Variants in SLC6A17 observed in about 807,000 individuals in gnomAD.
SLC6A17 encodes the protein sodium-dependent neutral amino acid transporter SLC6A17.
Under a neutral mutation model 64.5 loss-of-function variants are expected in SLC6A17, and 21 were observed. The observed-to-expected ratio is 0.33, with a 90% CI of 0.23 to 0.47. SLC6A17 has a LOEUF of 0.47. Ranked by LOEUF, SLC6A17 falls within the 20% of genes least tolerant of loss-of-function variation. SLC6A17 has a pLI of 1.00. For synonymous variants in SLC6A17, 372 were observed against 399.5 expected (o/e 0.93, Z 0.82); for missense variants, 682 against 963.2 (o/e 0.71, Z 3.86).
At chr1:110,176,447 C>T (rs951382572) in intron 5 of SLC6A17, among the ~76,000 whole-genome samples, 182 bp from the exon 6 acceptor site, 1 of 152,188 alleles carries the variant, frequency 6.6e-6, no homozygotes, top group African/African-American at 2.4e-5. Context: ...TTGTCCTGTT[C>T]CTGCTTCTGC....
At chr1:110,179,448 A>C (rs894777672) in intron 6 of SLC6A17, among the ~76,000 whole-genome samples, 5 of 152,048 alleles carry the variant, frequency 3.3e-5, no homozygotes, top group Admixed American at 3.3e-4. Context: ...TTTGCCAATT[A>C]GGTGGATGCA....
At chr1:110,163,387 G>A (rs531925188) in intron 1 of SLC6A17, among the ~76,000 whole-genome samples, 169 of 152,228 alleles carry the variant, frequency 1.1e-3, no homozygotes, top group African/African-American at 3.9e-3. Context: ...TATCAATATG[G>A]GGACTTACAT....
Position 110,192,784 on chromosome 1 carries a change from A to AT in SLC6A17, c.1299+87dup. On this transcript the variant is annotated intron_variant, in intron 8 of 11. Transcript: ENST00000331565. The surrounding 1 kb of genome is among the most constrained non-coding windows in gnomAD (Gnocchi z 4.3). ...CGGGAGCTTGGGCTCAGGCCTCAGG[A>AT]TGCTGACAGGTAGTCATTAGTTTAC... 1 of 1,399,090 alleles carries AT rather than the reference A, an allele frequency of 7.1e-7. No individual in the cohort carries two copies. Among genetic ancestry groups the AT allele is most frequent in the Non-Finnish European group, 9.7e-7 (1 of 1,032,936 alleles). The allele number at this position is 1,399,090 out of a possible 1,614,324, so 86.7% of individuals were successfully genotyped here. A position where few individuals can be genotyped will look rare whatever the true frequency, so the allele number is the denominator to read the frequency against.
chr1:110,169,894 G>T (rs1363796943), intron 2 of SLC6A17, among the ~76,000 whole-genome samples: 1 of 152,188 alleles, frequency 6.6e-6, no homozygotes, highest in African/African-American at 2.4e-5. Context: ...TATCTTGACC[G>T]CGGCCCCCTG....
At chr1:110,157,154 G>A (rs1477856756) in intron 1 of SLC6A17, among the ~76,000 whole-genome samples, 7 of 152,048 alleles carry the variant, frequency 4.6e-5, no homozygotes, top group Non-Finnish European at 7.4e-5. Flanking sequence ...AGCACCTCAC[G>A]TCCTCATTTC....
chr1:110,177,970 T>C (rs1157143007), intron 6 of SLC6A17: 2 of 152,228 alleles, frequency 1.3e-5, no homozygotes, highest in Non-Finnish European at 2.9e-5. Context: ...AAGGTCCACT[T>C]TATGAAGCAC....
chr1:110,152,858 C>G (rs1264962369), intron 1 of SLC6A17, among the ~76,000 whole-genome samples: 1 of 152,216 alleles, frequency 6.6e-6, no homozygotes, highest in Non-Finnish European at 1.5e-5. Context: ...CCCTTATGGG[C>G]CTTAACCAGA....
chr1:110,199,331 A>C lies in SLC6A17; in HGVS notation c.*887A>C, dbSNP rs1262364578. 6.6e-6 allele frequency: 1 copy of C among 152,308 alleles called. No homozygotes were observed. The highest frequency in any genetic ancestry group is 2.4e-5 in the African/African-American group (1 of 41,454). 9.4% of individuals were successfully genotyped at this position (152,308 alleles called of 1,614,324 possible). On this transcript the variant is annotated 3_prime_UTR_variant, in exon 12 of 12. Transcript: ENST00000331565. Reference sequence around the variant, plus strand: ...AAGGACAGTGCACGGAGAGGTTTCCAGAGCACAAATTGTTGGTTCCTAGCA... The same window carrying C: ...AAGGACAGTGCACGGAGAGGTTTCCCGAGCACAAATTGTTGGTTCCTAGCA...
chr1:110,199,739 G>A lies in SLC6A17; in HGVS notation c.*1295G>A, dbSNP rs1051933935. Reference sequence around the variant, plus strand: ...GCAGAAGGCTGCAGCTGACAACAGCGACCCCACCTGCCATTACCTTCAGGG... The same window carrying A: ...GCAGAAGGCTGCAGCTGACAACAGCAACCCCACCTGCCATTACCTTCAGGG... On this transcript the variant is annotated 3_prime_UTR_variant, in exon 12 of 12. Coordinates refer to ENST00000331565, the MANE Select transcript of SLC6A17 (RefSeq NM_001010898.4). 9 of 384,520 alleles carry A rather than the reference G, an allele frequency of 2.3e-5. No homozygotes were observed. The highest frequency in any genetic ancestry group is 1.5e-4 in the South Asian group (1 of 6,894). 23.8% of individuals were successfully genotyped at this position (384,520 alleles called of 1,614,324 possible). A position where few individuals can be genotyped will look rare whatever the true frequency, so the allele number is the denominator to read the frequency against.
intron 3 of SLC6A17, 63 bp from the exon 4 acceptor site, chr1:110,173,897 TGGGCCTCGGGTGG>T: frequency 2.0e-6 from 3 of 1,528,728 alleles, no homozygotes; most frequent in Admixed American, 2.0e-5. Flanking sequence ...GCCGACGTGC[TGGGCCTCGGGTGG>T]AGCGTGGGGG....
At chr1:110,154,869 A>G (rs753000103) in intron 1 of SLC6A17, among the ~76,000 whole-genome samples, 9 of 152,274 alleles carry the variant, frequency 5.9e-5, no homozygotes, top group Non-Finnish European at 8.8e-5. Context: ...TAACACTTCA[A>G]GGTTATTTAC....
intron 6 of SLC6A17, among the ~76,000 whole-genome samples, chr1:110,188,489 C>T (rs937619710): frequency 6.6e-6 from 1 of 152,172 alleles, no homozygotes; most frequent in Non-Finnish European, 1.5e-5. Context: ...ATGATTTTGC[C>T]TCCTGCTTTA....
chr1:110,153,519 A>ATGTGTGTGTGTG (rs3222731), intron 1 of SLC6A17, among the ~76,000 whole-genome samples: 3,691 of 137,284 alleles, frequency 0.027, 103 homozygotes, highest in African/African-American at 0.057. Flanking sequence ...GCTACTGGAA[A>ATGTGTGTGTGTG]TGTGTGTGTG....
At chr1:110,179,529 C>CCCTCG (rs1656461113) in intron 6 of SLC6A17, among the ~76,000 whole-genome samples, 1 of 99,120 alleles carries the variant, frequency 1.0e-5, no homozygotes, top group Non-Finnish European at 1.9e-5. Flanking sequence ...CTTCCCCTTC[C>CCCTCG]CCTCCCCTCC....
At chr1:110,183,808 A>G (rs1656592756) in intron 6 of SLC6A17, among the ~76,000 whole-genome samples, 1 of 151,962 alleles carries the variant, frequency 6.6e-6, no homozygotes. Context: ...TGATTGTGTC[A>G]TTTTTCGCAG....
Position 110,174,052 on chromosome 1 carries a change from C to T in SLC6A17, c.524C>T (p.Pro175Leu), listed in dbSNP as rs758094036. ...IFYFFKSFQY[P>L]LPWSECPVVR... ...TATTTCTTCAAGTCCTTCCAGTACC[C>T]GCTGCCCTGGAGTGAATGTCCTGTC... Residue 175 changes from proline to leucine, a missense_variant, in exon 4 of 12, where the codon CCG becomes CTG. This residue lies in a region of SLC6A17 where 415 missense variants were observed against 603.8 expected (regional missense o/e 0.69). Coordinates refer to ENST00000331565, the MANE Select transcript of SLC6A17 (RefSeq NM_001010898.4). The T allele has an allele frequency of 1.3e-5, 21 of 1,614,150 alleles. No homozygotes were observed. The highest frequency in any genetic ancestry group is 5.5e-5 in the South Asian group (5 of 91,074).
intron 6 of SLC6A17, among the ~76,000 whole-genome samples, chr1:110,187,297 G>A (rs1343828099): frequency 6.6e-6 from 1 of 152,222 alleles, no homozygotes; most frequent in African/African-American, 2.4e-5. Context: ...GCAGTCATGT[G>A]ATGGAAGAAG....
rs62636568 is a variant in SLC6A17 at position 110,194,647 on chromosome 1, G to C, written c.1368G>C (p.Pro456=). 1.9e-6 allele frequency: 3 copies of C among 1,614,042 alleles called. No homozygotes were observed. Among genetic ancestry groups the C allele is most frequent in the Non-Finnish European group, 1.7e-6 (2 of 1,180,054 alleles). ...CCATGACGCACTTCCCCGCCTCCCC[G>C]TTCTGGTCCGTCATGTTCTTCTTGA... is the stretch of plus-strand genomic sequence containing the variant. ...TEAMTHFPAS[P]FWSVMFFLML... Residue 456 remains proline (P), a synonymous_variant, in exon 9 of 12, where the codon CCG becomes CCC. Transcript: ENST00000331565.
chr1:110,167,128 C>G lies in SLC6A17; in HGVS notation c.199C>G (p.Leu67Val), dbSNP rs1452691267. 6 of 1,613,544 alleles carry G rather than the reference C, an allele frequency of 3.7e-6. No homozygotes were observed. Among genetic ancestry groups the G allele is most frequent in the Non-Finnish European group, 4.2e-6 (5 of 1,179,894 alleles). ...GGACCGGCCGGCCTGGAACAGTAAG[C>G]TGCAGTACATCCTGGCCCAGATTGG... is the stretch of plus-strand genomic sequence containing the variant. ...AEDRPAWNSKLQYILAQIGFS... is the reference protein window; with the variant it reads ...AEDRPAWNSKVQYILAQIGFS... The change falls in exon 2 of 12, where the codon CTG becomes GTG. Residue 67 changes from leucine (L) to valine (V), a missense_variant. By Grantham distance (32) the Leu-to-Val change is conservative (BLOSUM62 1). Transcript: ENST00000331565.
Sources: allele counts gnomAD v4.1 joint callset (sites outside exome capture counted in the v4.1 genomes callset), GRCh38; gene constraint gnomAD v4.1.1; regional missense constraint gnomAD v4.1.1; non-coding constraint Gnocchi (gnomAD v3.1); transcripts MANE v1.5; gene names NCBI Gene and HGNC (gene_info 2026-07-23, HGNC 2026-07-21).